Variants in NLGN1 observed in about 807,000 individuals in gnomAD.
The protein encoded by NLGN1 is neuroligin-1.
A neutral mutation model predicts 65.5 loss-of-function variants in NLGN1; 12 were observed. That is an observed-to-expected ratio of 0.18 (90% confidence interval 0.12 to 0.30). The LOEUF is 0.30. Ranked by LOEUF, NLGN1 falls within the 10% of genes least tolerant of loss-of-function variation. The probability of loss-of-function intolerance (pLI) is 1.00; values close to 1 mark genes in which losing one functional copy is unlikely to be tolerated. For synonymous variants in NLGN1, 350 were observed against 359.5 expected, an observed-to-expected ratio of 0.97 and a Z score of 0.30; for missense variants, 750 against 1,007.1, an observed-to-expected ratio of 0.74 and a Z score of 3.46.
chr3:173,942,269 AC>A (rs1301019122), intron 4 of NLGN1, among the ~76,000 whole-genome samples: 1 of 152,024 alleles, frequency 6.6e-6, no homozygotes. Flanking sequence ...CTGTTTTAGA[AC>A]CAAGCACTAT....
chr3:174,177,792 A>G lies in NLGN1; in HGVS notation c.647-97523A>G, dbSNP rs116300239. 4.1e-3 allele frequency among the ~76,000 whole-genome samples: 628 copies of G among 152,256 alleles called. 4 individuals carry two copies. Among genetic ancestry groups the G allele is most frequent in the African/African-American group, 0.014 (601 of 41,568 alleles). ...TTAAGAAATATGAGTGGTCTTGACA[A>G]TAGACATAAAAGCATAGTCATAATT... On this transcript the variant is annotated intron_variant, in intron 4 of 6. Transcript: ENST00000457714.
At chr3:174,293,148 T>C in the NLGN1 span, among the ~76,000 whole-genome samples, 1 of 151,484 alleles carries the variant, frequency 6.6e-6, no homozygotes, top group East Asian at 1.9e-4. Context: ...GACAGCAAGA[T>C]GGGGTAACCT....
intron 4 of NLGN1, among the ~76,000 whole-genome samples, chr3:173,991,421 TGA>T (rs983859313): frequency 2.0e-5 from 3 of 152,174 alleles, no homozygotes; most frequent in Non-Finnish European, 4.4e-5. Flanking sequence ...TATAATTCAT[TGA>T]AAACCTCTAG....
chr3:174,047,931 A>T (rs1056239209), intron 4 of NLGN1, among the ~76,000 whole-genome samples: 7 of 152,068 alleles, frequency 4.6e-5, no homozygotes, highest in South Asian at 4.1e-4. Flanking sequence ...TTCAAAATGG[A>T]TGTTCTGCGA....
rs866819481 is a variant in NLGN1 at position 173,935,628 on chromosome 3, T to A, written c.646+127796T>A. On this transcript the variant is annotated intron_variant, in intron 4 of 6. Coordinates refer to ENST00000457714, the Ensembl canonical transcript of NLGN1. ...CACACACACACACACACACACTCTC[T>A]CTCTCTCTCTCTCTCTCTCTCTCTG... Among the ~76,000 whole-genome samples the A allele has an allele frequency of 1.7e-3, 233 of 135,950 alleles. 1 individual carries two copies. Among genetic ancestry groups the A allele is most frequent in the East Asian group, 3.7e-3 (18 of 4,862 alleles). The allele number at this position is 135,950 out of a possible 152,430, so 89.2% of individuals were successfully genotyped here. A position where few individuals can be genotyped will look rare whatever the true frequency, so the allele number is the denominator to read the frequency against.
At chr3:174,165,605 T>C (rs1294333811) in intron 4 of NLGN1, among the ~76,000 whole-genome samples, 4 of 152,114 alleles carry the variant, frequency 2.6e-5, no homozygotes, top group African/African-American at 7.2e-5. Context: ...TTTGATAGTA[T>C]TTTGTTGAGG....
intron 4 of NLGN1, among the ~76,000 whole-genome samples, chr3:174,256,629 G>A (rs1745821686): frequency 6.6e-6 from 1 of 151,974 alleles, no homozygotes; most frequent in Admixed American, 6.6e-5. Context: ...CTAGATTGTG[G>A]TTTTACCCCA....
intron 3 of NLGN1, among the ~76,000 whole-genome samples, chr3:173,676,760 TCAAA>T (rs1017454574): frequency 2.0e-5 from 3 of 152,074 alleles, no homozygotes; most frequent in Non-Finnish European, 2.9e-5. Context: ...TCAGCATACC[TCAAA>T]CAAAGCAAAA....
chr3:174,006,796 T>C (rs1560827325), intron 4 of NLGN1, among the ~76,000 whole-genome samples: 1 of 152,050 alleles, frequency 6.6e-6, no homozygotes, highest in Non-Finnish European at 1.5e-5. Context: ...AGGCCAGGCA[T>C]GGGGGCTCCT....
chr3:173,452,305 C>T (rs1165028837), intron 2 of NLGN1, among the ~76,000 whole-genome samples: 2 of 152,044 alleles, frequency 1.3e-5, no homozygotes, highest in Admixed American at 1.3e-4. Context: ...AAGCCTCAGC[C>T]TCCCAAGTAG....
chr3:174,036,309 C>T (rs1731114434), intron 4 of NLGN1, among the ~76,000 whole-genome samples: 1 of 152,120 alleles, frequency 6.6e-6, no homozygotes, highest in African/African-American at 2.4e-5. Flanking sequence ...GCAAGTTCTT[C>T]AGGTGATTCT....
intron 3 of NLGN1, among the ~76,000 whole-genome samples, chr3:173,621,982 A>G (rs999436357): frequency 6.6e-6 from 1 of 152,098 alleles, no homozygotes; most frequent in African/African-American, 2.4e-5. Context: ...AACCTCATCA[A>G]TTCAAAGAAA....
At chr3:173,950,857 TTTTA>T (rs888738176) in intron 4 of NLGN1, among the ~76,000 whole-genome samples, 6 of 151,962 alleles carry the variant, frequency 3.9e-5, no homozygotes, top group Admixed American at 6.6e-5. Context: ...ATGTTATTAA[TTTTA>T]TTTATTTATT....
At chr3:174,086,911 A>G (rs1743521446) in intron 4 of NLGN1, among the ~76,000 whole-genome samples, 1 of 152,154 alleles carries the variant, frequency 6.6e-6, no homozygotes, top group South Asian at 2.1e-4. Flanking sequence ...TAGCATCCAA[A>G]ATGTAATCTG....
rs1379854878 is a variant in NLGN1 at position 173,898,978 on chromosome 3, T to TTAGA, written c.646+91147_646+91150dup. Among the ~76,000 whole-genome samples, 3 of 151,828 alleles carry TTAGA rather than the reference T, an allele frequency of 2.0e-5. No individual in the cohort carries two copies. The East Asian group carries it at 5.8e-4, about 29-fold the overall frequency. Reference sequence around the variant, plus strand: ...ATGAAGTTTGATCTGGGGTAAGGAGTTAGAGTTCTTTCCAAGAATAATAAA... The same window carrying TTAGA: ...ATGAAGTTTGATCTGGGGTAAGGAGTTAGATAGAGTTCTTTCCAAGAATAATAAA... On this transcript the variant is annotated intron_variant, in intron 4 of 6. Coordinates refer to ENST00000457714, the Ensembl canonical transcript of NLGN1.
chr3:173,905,964 G>C (rs1189266563), intron 4 of NLGN1, among the ~76,000 whole-genome samples: 1 of 152,206 alleles, frequency 6.6e-6, no homozygotes, highest in African/African-American at 2.4e-5. Context: ...TAGAATTAAA[G>C]AACTCTTGGA....
intron 1 of NLGN1, among the ~76,000 whole-genome samples, chr3:173,418,486 G>A (rs1469841799): frequency 1.3e-5 from 2 of 152,180 alleles, no homozygotes; most frequent in East Asian, 3.9e-4. Flanking sequence ...GCAGAAGTTC[G>A]TTGTGCCCTG....
chr3:174,003,978 G>A (rs761170709), intron 4 of NLGN1, among the ~76,000 whole-genome samples: 3 of 152,138 alleles, frequency 2.0e-5, no homozygotes, highest in East Asian at 1.9e-4. Context: ...GAATCTTAAT[G>A]CTGGAATAAA....
chr3:174,271,177 T>A (rs1025270626), intron 4 of NLGN1, among the ~76,000 whole-genome samples: 3 of 151,802 alleles, frequency 2.0e-5, no homozygotes, highest in Non-Finnish European at 4.4e-5. Flanking sequence ...AATTAACAAC[T>A]ATAAACATAG....
Sources: gnomAD v4.1 joint callset for allele counts (sites outside exome capture counted in the v4.1 genomes callset) on GRCh38, gnomAD v4.1.1 for gene constraint, MANE v1.5 for transcripts, NCBI Gene and HGNC (gene_info 2026-07-23, HGNC 2026-07-21) for gene names.